Variants in FSTL5 observed in about 807,000 individuals in gnomAD.
FSTL5 encodes the protein follistatin like 5.
In FSTL5, 62 loss-of-function variants were observed where a neutral mutation model predicts 89.1. The ratio of observed to expected loss-of-function variants is 0.70; its 90% confidence interval spans 0.57 to 0.86. The LOEUF is 0.86. Ranked by LOEUF, FSTL5 falls within the 40% of genes least tolerant of loss-of-function variation. The pLI is 0.00. For missense variants in FSTL5, 1,057 were observed against 1,001.6 expected (o/e 1.06, Z -0.75); for synonymous variants, 383 against 346.2 (o/e 1.11, Z -1.18).
intron 10 of FSTL5, among the ~76,000 whole-genome samples, chr4:161,516,792 C>T (rs942659957): frequency 1.7e-4 from 25 of 150,184 alleles, no homozygotes; most frequent in Non-Finnish European, 2.8e-4. Flanking sequence ...TAGTATAGCA[C>T]ATAGGGGCTT....
intron 8 of FSTL5, among the ~76,000 whole-genome samples, chr4:161,584,085 T>A (rs1273228491): frequency 6.6e-6 from 1 of 152,158 alleles, no homozygotes; most frequent in African/African-American, 2.4e-5. Flanking sequence ...AAGGAAAACA[T>A]ACTTCATGAA....
chr4:161,579,745 G>A (rs142901658), intron 8 of FSTL5, among the ~76,000 whole-genome samples: 77 of 47,920 alleles, frequency 1.6e-3, no homozygotes, highest in Non-Finnish European at 2.4e-3. Flanking sequence ...AAAAAAAAAA[G>A]AAAGAAAAAG....
At chr4:161,623,157 A>C (rs2126648185) in intron 7 of FSTL5, among the ~76,000 whole-genome samples, 1 of 152,238 alleles carries the variant, frequency 6.6e-6, no homozygotes, top group South Asian at 2.1e-4. Context: ...AAACATCTAA[A>C]GTATACATCA....
At chr4:161,997,544 T>G (rs1259582368) in intron 3 of FSTL5, among the ~76,000 whole-genome samples, 4 of 151,946 alleles carry the variant, frequency 2.6e-5, no homozygotes, top group African/African-American at 9.7e-5. Context: ...TTACTACAAA[T>G]GACAAGTTTT....
At chr4:162,043,555 AGGGT>A (rs1345845872) in intron 2 of FSTL5, among the ~76,000 whole-genome samples, 1 of 152,120 alleles carries the variant, frequency 6.6e-6, no homozygotes, top group Non-Finnish European at 1.5e-5. Context: ...GTTGAAGGTT[AGGGT>A]GGATGTGGCA....
At chr4:162,092,061 T>G (rs964812810) in intron 2 of FSTL5, among the ~76,000 whole-genome samples, 1 of 151,934 alleles carries the variant, frequency 6.6e-6, no homozygotes, top group Non-Finnish European at 1.5e-5. Flanking sequence ...CAAATCAATA[T>G]TTTCACAACT....
intron 15 of FSTL5, among the ~76,000 whole-genome samples, chr4:161,399,329 C>T (rs183600676): frequency 4.3e-4 from 65 of 152,140 alleles, no homozygotes; most frequent in Non-Finnish European, 6.6e-4. Context: ...ACAATTAACA[C>T]ATATTTTGTA....
intron 14 of FSTL5, among the ~76,000 whole-genome samples, chr4:161,458,491 T>C (rs1733443124): frequency 1.3e-5 from 2 of 152,190 alleles, no homozygotes; most frequent in African/African-American, 4.8e-5. Context: ...AATAAAATTA[T>C]TTCATTTAAA....
chr4:161,781,665 A>G (rs1046139245), intron 4 of FSTL5, among the ~76,000 whole-genome samples: 1 of 152,162 alleles, frequency 6.6e-6, no homozygotes, highest in Non-Finnish European at 1.5e-5. Flanking sequence ...CAACACATGC[A>G]GCTCTTCCCC....
At chr4:161,668,249 C>T (rs544366369) in intron 6 of FSTL5, among the ~76,000 whole-genome samples, 65 of 152,144 alleles carry the variant, frequency 4.3e-4, no homozygotes, top group African/African-American at 1.5e-3. Flanking sequence ...AATTCTGTGC[C>T]CACAAATTTG....
rs113963047 is a variant in FSTL5, at chr4:161,557,446, A to C, written c.1016-14753T>G. On this transcript the variant is annotated intron_variant, in intron 8 of 15. Transcript: ENST00000306100. ...TATTTTACACTTAGTAAAATTAAAA[A>C]TGTTTAGAATATTCCCTAACTTGAC... Among the ~76,000 whole-genome samples the C allele has an allele frequency of 7.8e-3, 1,185 of 151,792 alleles. 14 individuals carry two copies. Among genetic ancestry groups the C allele is most frequent in the African/African-American group, 0.027 (1,117 of 41,520 alleles).
chr4:161,653,840 C>T (rs1483227980), intron 7 of FSTL5, among the ~76,000 whole-genome samples: 1 of 151,970 alleles, frequency 6.6e-6, no homozygotes, highest in African/African-American at 2.4e-5. Flanking sequence ...ATAAATATTC[C>T]TCTTTGAAAG....
Position 161,556,572 on chromosome 4 carries a change from A to G in FSTL5, c.1016-13879T>C, listed in dbSNP as rs144567452. Reference sequence around the variant, plus strand: ...TTTACTCATTTGTAAAATGAACATTATGAGGAAAGAATAAGACAACACTTT... The same window carrying G: ...TTTACTCATTTGTAAAATGAACATTGTGAGGAAAGAATAAGACAACACTTT... On this transcript the variant is annotated intron_variant, in intron 8 of 15. Transcript: ENST00000306100. 5.9e-3 allele frequency among the ~76,000 whole-genome samples: 898 copies of G among 151,680 alleles called. 7 individuals carry two copies. Among genetic ancestry groups the G allele is most frequent in the Non-Finnish European group, 0.011 (718 of 67,664 alleles).
intron 1 of FSTL5, among the ~76,000 whole-genome samples, chr4:162,142,299 A>G (rs945083771): frequency 1.3e-5 from 2 of 152,172 alleles, no homozygotes; most frequent in East Asian, 3.9e-4. Context: ...TATCTCAGCT[A>G]TGGCCAATCA....
At chr4:161,846,563 T>G (rs1163655517) in intron 4 of FSTL5, among the ~76,000 whole-genome samples, 1 of 152,174 alleles carries the variant, frequency 6.6e-6, no homozygotes, top group Non-Finnish European at 1.5e-5. Flanking sequence ...CATAAATTTT[T>G]ATGAAGAGAA....
chr4:161,548,806 T>G (rs1166277292), intron 8 of FSTL5, among the ~76,000 whole-genome samples: 1 of 151,862 alleles, frequency 6.6e-6, no homozygotes, highest in Non-Finnish European at 1.5e-5. Flanking sequence ...GGACTATTAA[T>G]TGTATAATTT....
intron 8 of FSTL5, among the ~76,000 whole-genome samples, chr4:161,557,298 G>A (rs946823296): frequency 2.6e-4 from 39 of 149,668 alleles, no homozygotes; most frequent in African/African-American, 9.2e-4. Context: ...CACAATTTAT[G>A]TAATTTTTCC....
chr4:161,530,444 TTGAAATGTGTTTTTTAAAAAA>T lies in FSTL5; in HGVS notation c.1312+7701_1312+7721del, dbSNP rs1358248129. On this transcript the variant is annotated intron_variant, in intron 10 of 15. Coordinates refer to ENST00000306100, the MANE Select transcript of FSTL5 (RefSeq NM_020116.5). The stretch of plus-strand genomic sequence containing the variant: ...AAATAATCTTGTAGACTTTAGCCAT[TTGAAATGTGTTTTTTAAAAAA>T]TCTTCAAGTTGTTTTATTTTATAAT... 1.8e-5 allele frequency among the ~76,000 whole-genome samples: 2 copies of T among 109,048 alleles called. 1 individual carries two copies. The highest frequency in any genetic ancestry group is 4.1e-5 in the Non-Finnish European group (2 of 49,354). The allele number at this position is 109,048 out of a possible 152,430, so 71.5% of individuals were successfully genotyped here. A position where few individuals can be genotyped will look rare whatever the true frequency, so the allele number is the denominator to read the frequency against.
intron 11 of FSTL5, among the ~76,000 whole-genome samples, chr4:161,506,904 C>T (rs1020114143): frequency 2.0e-5 from 3 of 152,028 alleles, no homozygotes; most frequent in African/African-American, 7.2e-5. Context: ...GTTTCTATAA[C>T]ATATTTTTGT....
Sources: gnomAD v4.1 joint callset for allele counts (sites outside exome capture counted in the v4.1 genomes callset) on GRCh38, gnomAD v4.1.1 for gene constraint, MANE v1.5 for transcripts, NCBI Gene and HGNC (gene_info 2026-07-23, HGNC 2026-07-21) for gene names.